Variants in ZBTB47 observed in about 807,000 individuals in gnomAD.
ZBTB47 encodes zinc finger and BTB domain containing 47, also known as zinc finger and BTB domain-containing protein 47.
Under a neutral mutation model 56.6 loss-of-function variants are expected in ZBTB47, and 24 were observed. That is an observed-to-expected ratio of 0.42 (90% CI 0.31 to 0.60). The LOEUF (loss-of-function observed/expected upper bound fraction) is 0.60. Ranked by LOEUF, ZBTB47 falls within the 20% of genes least tolerant of loss-of-function variation. The pLI is 0.14. For synonymous variants in ZBTB47, 414 were observed against 418.9 expected (o/e 0.99, Z 0.14); for missense variants, 829 against 1,032.6 (o/e 0.80, Z 2.70).
At chr3:42,661,708 T>A (rs1480208613) in intron 3 of ZBTB47, 76 bp downstream of exon 3, 1 of 1,572,324 alleles carries the variant, frequency 6.4e-7, no homozygotes, top group East Asian at 2.3e-5. Flanking sequence ...GGGAAAGACT[T>A]CACATCCAAG....
Position 42,663,185 on chromosome 3 carries a change from CAG to C in ZBTB47, c.1737+59_1737+60del, listed in dbSNP as rs1710742272. The C allele has an allele frequency of 7.8e-6, 10 of 1,285,424 alleles. No individual in the cohort carries two copies. The highest frequency in any genetic ancestry group is 1.1e-5 in the Non-Finnish European group (10 of 882,362). 79.6% of individuals were successfully genotyped at this position (1,285,424 alleles called of 1,614,324 possible). A position where few individuals can be genotyped will look rare whatever the true frequency, so the allele number is the denominator to read the frequency against. On this transcript the variant is annotated intron_variant, in intron 4 of 5. Transcript: ENST00000232974. This position sits in a 1 kb window ranked among gnomAD's most constrained non-coding sequence, Gnocchi z 5.1. ...GGGGTCACCTGGGAGGGGCAGGAAT[CAG>C]GGAGCGCAGCTGCTGAAAAACAAAG... is the stretch of plus-strand genomic sequence containing the variant.
chr3:42,654,688 G>A lies in ZBTB47; in HGVS notation c.-82+805G>A. On this transcript the variant is annotated intron_variant, in intron 1 of 5. Coordinates refer to ENST00000232974, the MANE Select transcript of ZBTB47 (RefSeq NM_145166.4). The surrounding 1 kb of genome is among the most constrained non-coding windows in gnomAD (Gnocchi z 5.0). Reference sequence around the variant, plus strand: ...GGCCCTGTGAGCCCCCAGCGCCACGGCACCATGGTACGCAGGGCCCTGCCT... The same window carrying A: ...GGCCCTGTGAGCCCCCAGCGCCACGACACCATGGTACGCAGGGCCCTGCCT... The A allele has an allele frequency of 1.0e-6, 1 of 985,002 alleles. No individual in the cohort carries two copies. Among genetic ancestry groups the A allele is most frequent in the Non-Finnish European group, 1.2e-6 (1 of 829,750 alleles). The allele number at this position is 985,002 out of a possible 1,614,324, so 61.0% of individuals were successfully genotyped here.
At chr3:42,658,133 G>A in intron 1 of ZBTB47, 142 bp from the exon 2 acceptor site, 2 of 894,414 alleles carry the variant, frequency 2.2e-6, no homozygotes, top group Non-Finnish European at 1.6e-6. Context: ...TTCCTTGCTA[G>A]TTTCGGCTCT....
Position 42,659,322 on chromosome 3 carries a change from A to G in ZBTB47, c.967A>G (p.Ser323Gly). 6.8e-7 allele frequency: 1 copy of G among 1,464,058 alleles called. No individual in the cohort carries two copies. Among genetic ancestry groups the G allele is most frequent in the Non-Finnish European group, 9.2e-7 (1 of 1,088,212 alleles). The allele number at this position is 1,464,058 out of a possible 1,614,324, so 90.7% of individuals were successfully genotyped here. The change falls in exon 2 of 6, where the codon AGT becomes GGT. Residue 323 changes from serine to glycine, a missense_variant. Around this residue, in one of 6 missense-constraint regions of ZBTB47, gnomAD observed 359 missense variants for 359.8 expected, o/e 1.00. Transcript: ENST00000232974. ...EEEEEEEDGH[S>G]EQEEEEEEEE... ...GGAAGAAGAGGAGGAGGACGGGCACAGTGAGCAGGAAGAGGAAGAGGAGGA... is the reference window on the plus strand; with the variant it reads ...GGAAGAAGAGGAGGAGGACGGGCACGGTGAGCAGGAAGAGGAAGAGGAGGA...
chr3:42,663,737 C>T lies in ZBTB47; in HGVS notation c.1738-60C>T. The T allele has an allele frequency of 1.3e-6, 2 of 1,591,500 alleles. No individual in the cohort carries two copies. The highest frequency in any genetic ancestry group is 2.2e-5 in the South Asian group (2 of 89,182). ...CCTGTGGCCACAGGGGAGCTGTTCCCTCCACAAAGGCTGCTCTTCTGCTCT... is the reference window on the plus strand; with the variant it reads ...CCTGTGGCCACAGGGGAGCTGTTCCTTCCACAAAGGCTGCTCTTCTGCTCT... On this transcript the variant is annotated intron_variant, in intron 4 of 5. Coordinates refer to ENST00000232974, the MANE Select transcript of ZBTB47 (RefSeq NM_145166.4). The surrounding 1 kb of genome is among the most constrained non-coding windows in gnomAD (Gnocchi z 5.1).
In ZBTB47 at chr3:42,658,263, C is replaced by T; in HGVS notation, c.-81-12C>T. On this transcript the variant is annotated splice_polypyrimidine_tract_variant and intron_variant, in intron 1 of 5. Transcript: ENST00000232974. ...TGGCCTTGACCCACTCCTGTGCCCT[C>T]TGTCCCCGCAGTTGCTGGTTGAGAA... is the stretch of plus-strand genomic sequence containing the variant. 1 of 1,464,950 alleles carries T rather than the reference C, an allele frequency of 6.8e-7. No individual in the cohort carries two copies. The highest frequency in any genetic ancestry group is 9.0e-7 in the Non-Finnish European group (1 of 1,111,764). 90.7% of individuals were successfully genotyped at this position (1,464,950 alleles called of 1,614,324 possible).
Position 42,664,379 on chromosome 3 carries a change from C to G in ZBTB47, c.2025C>G (p.Leu675=). The change falls in exon 6 of 6, where the codon CTC becomes CTG. Residue 675 remains leucine, a synonymous_variant. Transcript: ENST00000232974. The stretch of plus-strand genomic sequence containing the variant: ...AGCGCTTCCGCTTCTCCAACATGCT[C>G]AAGGCCCACAAGGAGAAGTGCTTCC... ...CGQRFRFSNM[L]KAHKEKCFRV... 1 of 1,605,390 alleles carries G rather than the reference C, an allele frequency of 6.2e-7. No homozygotes were observed. The highest frequency in any genetic ancestry group is 8.5e-7 in the Non-Finnish European group (1 of 1,176,424).
chr3:42,666,394 C>T lies in ZBTB47; in HGVS notation c.*1796C>T, dbSNP rs1255819102. ...ACCCCAAGGCTGGGGACTCCAGGCT[C>T]CTGCTTTACTGTAGCTCTTTTTCTT... On this transcript the variant is annotated 3_prime_UTR_variant, in exon 6 of 6. Coordinates refer to ENST00000232974, the MANE Select transcript of ZBTB47 (RefSeq NM_145166.4). Among the ~76,000 whole-genome samples, 1 of 152,172 alleles carries T rather than the reference C, an allele frequency of 6.6e-6. No individual in the cohort carries two copies. Among genetic ancestry groups the T allele is most frequent in the Non-Finnish European group, 1.5e-5 (1 of 68,028 alleles).
chr3:42,654,211 G>C lies in ZBTB47; in HGVS notation c.-82+328G>C, dbSNP rs1710605321. ...CGGAGGGCAGCGATGTTTGACTCCCGGACGAACTTCCCGGCAGAAAGGAGG... is the reference window on the plus strand; with the variant it reads ...CGGAGGGCAGCGATGTTTGACTCCCCGACGAACTTCCCGGCAGAAAGGAGG... On this transcript the variant is annotated intron_variant, in intron 1 of 5. Transcript: ENST00000232974. This position sits in a 1 kb window ranked among gnomAD's most constrained non-coding sequence, Gnocchi z 5.0. 1 of 152,026 alleles carries C rather than the reference G, an allele frequency of 6.6e-6. No homozygotes were observed. The highest frequency in any genetic ancestry group is 1.5e-5 in the Non-Finnish European group (1 of 68,024). The allele number at this position is 152,026 out of a possible 1,614,324, so 9.4% of individuals were successfully genotyped here.
At position 42,654,575 on chromosome 3, in the gene ZBTB47, T is replaced by A; in HGVS notation, c.-82+692T>A. On this transcript the variant is annotated intron_variant, in intron 1 of 5. Transcript: ENST00000232974. The surrounding 1 kb of genome is among the most constrained non-coding windows in gnomAD (Gnocchi z 5.0). ...CTGGCCGCGCCCCCGGGGGCCATGG[T>A]CGCGGGGCCCTGCGCGGGGGCGGCC... 3.2e-6 allele frequency: 2 copies of A among 625,368 alleles called. No individual in the cohort carries two copies. The highest frequency in any genetic ancestry group is 4.0e-5 in the African/African-American group (2 of 49,938). 38.7% of individuals were successfully genotyped at this position (625,368 alleles called of 1,614,324 possible).
At chr3:42,662,902 C>T in intron 3 of ZBTB47, 110 bp from the exon 4 acceptor site, 2 of 738,090 alleles carry the variant, frequency 2.7e-6, no homozygotes, top group Non-Finnish European at 4.8e-6. Flanking sequence ...AAGGCCAGCC[C>T]CAGAGAAGGG....
At chr3:42,655,252 A>T (rs1407058831) in intron 1 of ZBTB47, among the ~76,000 whole-genome samples, 1 of 152,154 alleles carries the variant, frequency 6.6e-6, no homozygotes, top group East Asian at 1.9e-4. Context: ...CCTAGAGGTC[A>T]TGAGCCTGTG....
At position 42,667,230 on chromosome 3, in the gene ZBTB47, C is replaced by T. The variant is rs1710800590; in HGVS notation, c.*2632C>T. On this transcript the variant is annotated 3_prime_UTR_variant, in exon 6 of 6. Coordinates refer to ENST00000232974, the MANE Select transcript of ZBTB47 (RefSeq NM_145166.4). ...GGAGATCTGTGGGGGTCCCACCGTC[C>T]ATCTGGACTTCTCAGCCTGTTTGGC... is the stretch of plus-strand genomic sequence containing the variant. Among the ~76,000 whole-genome samples, 1 of 152,220 alleles carries T rather than the reference C, an allele frequency of 6.6e-6. No homozygotes were observed. Among genetic ancestry groups the T allele is most frequent in the Non-Finnish European group, 1.5e-5 (1 of 68,030 alleles).
rs1461781214 is a variant in ZBTB47, at chr3:42,664,368, T to G, written c.2014T>G (p.Ser672Ala). ...CDVCGQRFRF[S>A]NMLKAHKEKC... ...CGTGTGTGGCCAGCGCTTCCGCTTC[T>G]CCAACATGCTCAAGGCCCACAAGGA... Residue 672 changes from serine to alanine, a missense_variant, in exon 6 of 6, where the codon TCC (serine) becomes GCC (alanine). Physicochemically the swap from Ser to Ala is moderately conservative, Grantham distance 99. Around this residue, in one of 6 missense-constraint regions of ZBTB47, gnomAD observed 115 missense variants for 117.2 expected, o/e 0.98. Transcript: ENST00000232974. 2 of 1,609,592 alleles carry G rather than the reference T, an allele frequency of 1.2e-6. No homozygotes were observed. The highest frequency in any genetic ancestry group is 1.3e-5 in the African/African-American group (1 of 74,832).
chr3:42,655,016 G>A lies in ZBTB47; in HGVS notation c.-82+1133G>A, dbSNP rs563381583. 5.2e-3 allele frequency among the ~76,000 whole-genome samples: 786 copies of A among 152,232 alleles called. 7 individuals carry two copies. Among genetic ancestry groups the A allele is most frequent in the African/African-American group, 0.018 (756 of 41,568 alleles). On this transcript the variant is annotated intron_variant, in intron 1 of 5. Transcript: ENST00000232974. ...GGGTAATGGGGGGAAGAGGGAGTCG[G>A]ATTCCCGCCTGGGCCTTGGGCCACG...
chr3:42,662,588 A>G (rs1710733912), intron 3 of ZBTB47, among the ~76,000 whole-genome samples: 1 of 151,942 alleles, frequency 6.6e-6, no homozygotes. Flanking sequence ...AAAGCCCACC[A>G]CCCCTGAAGC....
At chr3:42,657,167 C>A (rs531957101) in intron 1 of ZBTB47, among the ~76,000 whole-genome samples, 1 of 152,252 alleles carries the variant, frequency 6.6e-6, no homozygotes, top group South Asian at 2.1e-4. Context: ...TGTGGTAGAG[C>A]CGGGGTGACT....
intron 2 of ZBTB47, 119 bp from the exon 3 acceptor site, chr3:42,661,366 C>G (rs1413104674): frequency 1.1e-5 from 13 of 1,193,620 alleles, no homozygotes; most frequent in Middle Eastern, 2.9e-4. Flanking sequence ...CTGTTGGCAT[C>G]AAGGGCTCTC....
rs754421207 is a variant in ZBTB47 at position 42,663,832 on chromosome 3, G to C, written c.1773G>C (p.Leu591=). The C allele has an allele frequency of 6.2e-7, 1 of 1,613,570 alleles. No individual in the cohort carries two copies. The highest frequency in any genetic ancestry group is 8.5e-7 in the Non-Finnish European group (1 of 1,179,780). The part of the protein sequence containing the change: ...CNERFQYKYQ[L]RSHMSIHIGH... ...AGCGCTTCCAGTACAAGTACCAGCT[G>C]CGGTCACACATGAGCATCCACATTG... is the stretch of plus-strand genomic sequence containing the variant. The change falls in exon 5 of 6, where the codon CTG becomes CTC. Residue 591 remains leucine, a synonymous_variant. Coordinates refer to ENST00000232974, the MANE Select transcript of ZBTB47 (RefSeq NM_145166.4). This position sits in a 1 kb window ranked among gnomAD's most constrained non-coding sequence, Gnocchi z 5.1.
Sources: gnomAD v4.1 joint callset for allele counts (sites outside exome capture counted in the v4.1 genomes callset) on GRCh38, gnomAD v4.1.1 for gene constraint, gnomAD v4.1.1 regional missense constraint, Gnocchi (gnomAD v3.1) non-coding constraint, MANE v1.5 for transcripts, NCBI Gene and HGNC (gene_info 2026-07-23, HGNC 2026-07-21) for gene names.